CSMD1: variants seen among roughly 807,000 people sequenced by gnomAD.
CSMD1 encodes CUB and sushi domain-containing protein 1.
A neutral mutation model predicts 417.5 loss-of-function variants in CSMD1; 213 were observed. That is an observed-to-expected ratio of 0.51 (90% CI 0.46 to 0.57). The LOEUF (loss-of-function observed/expected upper bound fraction) is 0.57. Ranked by LOEUF, CSMD1 falls within the 20% of genes least tolerant of loss-of-function variation. CSMD1 has a pLI of 0.00. For missense variants in CSMD1, 6,923 were observed against 4,529.7 expected, an observed-to-expected ratio of 1.53 and a Z score of -15.17; for synonymous variants, 2,862 against 1,736.8, an observed-to-expected ratio of 1.65 and a Z score of -16.11.
chr8:3,670,302 T>C (rs1251809032), intron 7 of CSMD1, among the ~76,000 whole-genome samples: 1 of 151,938 alleles, frequency 6.6e-6, no homozygotes, highest in Non-Finnish European at 1.5e-5. Flanking sequence ...CTGTGCCGGA[T>C]GCTTCCTGCC....
At chr8:4,408,080 A>C (rs1004279119) in intron 3 of CSMD1, among the ~76,000 whole-genome samples, 1 of 152,222 alleles carries the variant, frequency 6.6e-6, no homozygotes, top group Non-Finnish European at 1.5e-5. Flanking sequence ...CTAATATTTA[A>C]AAGCATGCTT....
intron 2 of CSMD1, among the ~76,000 whole-genome samples, chr8:4,538,326 T>A (rs1797207956): frequency 6.6e-6 from 1 of 152,080 alleles, no homozygotes; most frequent in South Asian, 2.1e-4. Context: ...CCAGAGTTCA[T>A]ATTTTCTCTT....
chr8:3,197,741 G>A (rs1046997237), intron 33 of CSMD1, among the ~76,000 whole-genome samples: 1 of 152,140 alleles, frequency 6.6e-6, no homozygotes, highest in East Asian at 1.9e-4. Context: ...TGGGATTACA[G>A]GCTTGAGCCA....
intron 41 of CSMD1, among the ~76,000 whole-genome samples, chr8:3,139,905 CTTT>C (rs56391105): frequency 1.5e-4 from 19 of 127,104 alleles, no homozygotes; most frequent in East Asian, 2.2e-4. Context: ...TTCTTTCTTT[CTTT>C]TTTTTTTTTT....
intron 23 of CSMD1, among the ~76,000 whole-genome samples, chr8:3,336,161 GA>G (rs34117762): frequency 0.33 from 49,970 of 151,948 alleles, 8,347 homozygotes; most frequent in South Asian, 0.41. Context: ...TAAGGCAGTA[GA>G]AAAATAGTAA....
chr8:4,552,090 C>A (rs1760302403), intron 2 of CSMD1, among the ~76,000 whole-genome samples: 1 of 152,210 alleles, frequency 6.6e-6, no homozygotes, highest in Non-Finnish European at 1.5e-5. Flanking sequence ...AAGGAACTGA[C>A]ATATGCTAGC....
At chr8:4,491,405 T>TC (rs1801693538) in intron 2 of CSMD1, among the ~76,000 whole-genome samples, 1 of 152,088 alleles carries the variant, frequency 6.6e-6, no homozygotes, top group Non-Finnish European at 1.5e-5. Context: ...TGCAATACAG[T>TC]TAACCTTACG....
At chr8:4,788,202 T>C (rs879173262) in intron 1 of CSMD1, 5 of 1,592,808 alleles carry the variant, frequency 3.1e-6, no homozygotes, top group African/African-American at 1.3e-5. Context: ...ATGTGAACTT[T>C]GAGTAACATC....
intron 3 of CSMD1, among the ~76,000 whole-genome samples, chr8:4,230,966 T>C (rs970807803): frequency 2.0e-5 from 3 of 152,196 alleles, no homozygotes; most frequent in Non-Finnish European, 4.4e-5. Context: ...CTTAGATTAT[T>C]TCATTTGCAA....
chr8:4,862,466 A>C (rs1373833599), intron 1 of CSMD1, among the ~76,000 whole-genome samples: 1 of 152,116 alleles, frequency 6.6e-6, no homozygotes, highest in African/African-American at 2.4e-5. Context: ...ATTAAAAGTA[A>C]AAAGAATGGT....
intron 7 of CSMD1, among the ~76,000 whole-genome samples, chr8:3,686,823 G>A (rs1021154762): frequency 1.3e-5 from 2 of 152,270 alleles, no homozygotes; most frequent in South Asian, 4.1e-4. Flanking sequence ...GGGCTCCCAG[G>A]CCACATGAAA....
chr8:3,931,780 C>G (rs1417451395), intron 5 of CSMD1, among the ~76,000 whole-genome samples: 1 of 147,980 alleles, frequency 6.8e-6, no homozygotes, highest in Admixed American at 6.7e-5. Flanking sequence ...CACCTAAGAC[C>G]CCACTAAGGA....
At chr8:4,570,228 G>T (rs190877960) in intron 2 of CSMD1, among the ~76,000 whole-genome samples, 2 of 152,132 alleles carry the variant, frequency 1.3e-5, no homozygotes, top group Non-Finnish European at 1.5e-5. Context: ...GTTTTAAAAC[G>T]CAATGCTTCC....
chr8:4,576,010 G>C (rs747361311), intron 2 of CSMD1, among the ~76,000 whole-genome samples: 18 of 152,182 alleles, frequency 1.2e-4, no homozygotes, highest in Non-Finnish European at 1.5e-4. Context: ...GTGATCTCTT[G>C]GGTGGAAAAA....
intron 8 of CSMD1, among the ~76,000 whole-genome samples, chr8:3,600,646 G>C (rs755360326): frequency 1.3e-5 from 2 of 152,146 alleles, no homozygotes; most frequent in Non-Finnish European, 2.9e-5. Context: ...GGTGACCCCA[G>C]ATGATAAGAG....
intron 5 of CSMD1, among the ~76,000 whole-genome samples, chr8:3,835,223 T>C (rs1035011551): frequency 2.6e-5 from 4 of 151,326 alleles, no homozygotes; most frequent in African/African-American, 7.3e-5. Context: ...ACTGGGTATA[T>C]ACCCAAAGGA....
chr8:4,305,873 C>G (rs1349184864), intron 3 of CSMD1, among the ~76,000 whole-genome samples: 1 of 152,066 alleles, frequency 6.6e-6, no homozygotes, highest in Non-Finnish European at 1.5e-5. Context: ...TCTTTGCTTA[C>G]GTGTGTATAT....
intron 3 of CSMD1, among the ~76,000 whole-genome samples, chr8:4,266,374 A>G (rs1430393282): frequency 9.5e-6 from 1 of 105,314 alleles, no homozygotes; most frequent in African/African-American, 2.6e-5. Flanking sequence ...TTTCAAGAAT[A>G]TATTTGAAAA....
At chr8:3,238,797 T>G (rs2116955406) in intron 26 of CSMD1, among the ~76,000 whole-genome samples, 1 of 152,242 alleles carries the variant, frequency 6.6e-6, no homozygotes, top group East Asian at 1.9e-4. Flanking sequence ...CAGCAAAGAT[T>G]ATTTATTTAC....
Sources: gnomAD v4.1 joint callset for allele counts (sites outside exome capture counted in the v4.1 genomes callset) on GRCh38, gnomAD v4.1.1 for gene constraint, MANE v1.5 for transcripts, NCBI Gene and HGNC (gene_info 2026-07-23, HGNC 2026-07-21) for gene names.